The following UTRN variants were observed in gnomAD, a reference collection of about 807,000 sequenced individuals.
The protein encoded by UTRN is dystrophin-related protein 1.
In UTRN, 283 loss-of-function variants were observed where a neutral mutation model predicts 463.9. The observed-to-expected ratio is 0.61, with a 90% CI of 0.55 to 0.67. The LOEUF is 0.67. Among genes scored for constraint, UTRN ranks in the 30% least tolerant of loss-of-function variants. The pLI, the probability that UTRN is intolerant of heterozygous loss-of-function variation, is 0.00. For missense variants in UTRN, 3,922 were observed against 4,084.3 expected (o/e 0.96, Z 1.08); for synonymous variants, 1,442 against 1,431.5 (o/e 1.01, Z -0.17).
At chr6:144,529,877 GA>G (rs1796885311) in intron 41 of UTRN, among the ~76,000 whole-genome samples, 1 of 152,040 alleles carries the variant, frequency 6.6e-6, no homozygotes, top group Non-Finnish European at 1.5e-5. Context: ...AAAGATAGGA[GA>G]AAAAATTATT....
chr6:144,639,188 G>T (rs1777515236), intron 51 of UTRN, among the ~76,000 whole-genome samples: 1 of 152,106 alleles, frequency 6.6e-6, no homozygotes, highest in South Asian at 2.1e-4. Context: ...CCTCTCCCCA[G>T]ATTTTACATA....
chr6:144,699,473 G>GTT (rs71024902), intron 52 of UTRN, among the ~76,000 whole-genome samples: 1,320 of 67,652 alleles, frequency 0.02, 108 homozygotes, highest in Middle Eastern at 0.077. Context: ...TTAGTCAGTG[G>GTT]TTTTTTTTTT....
intron 50 of UTRN, among the ~76,000 whole-genome samples, chr6:144,567,518 A>G (rs566289961): frequency 6.6e-6 from 1 of 152,284 alleles, no homozygotes; most frequent in South Asian, 2.1e-4. Flanking sequence ...GGCAGGGATC[A>G]TGGGGTAGCA....
intron 50 of UTRN, among the ~76,000 whole-genome samples, chr6:144,568,500 G>A (rs35904953): frequency 0.14 from 20,905 of 152,112 alleles, 1,766 homozygotes; most frequent in Middle Eastern, 0.24. Context: ...TTGAGACGTA[G>A]CAGTCAGAAC....
intron 65 of UTRN, among the ~76,000 whole-genome samples, chr6:144,818,302 G>T (rs369094013): frequency 8.1e-4 from 123 of 152,272 alleles, no homozygotes; most frequent in African/African-American, 2.7e-3. Flanking sequence ...GTTTCTCTTT[G>T]GGGTGATGAA....
chr6:144,739,918 GAAGGGGA>G (rs764981389), intron 54 of UTRN, among the ~76,000 whole-genome samples: 1 of 152,150 alleles, frequency 6.6e-6, no homozygotes, highest in Non-Finnish European at 1.5e-5. Context: ...TCCCATAAAG[GAAGGGGA>G]AAGTGAAAAA....
intron 50 of UTRN, among the ~76,000 whole-genome samples, chr6:144,574,548 C>G (rs1311950677): frequency 6.6e-6 from 1 of 151,984 alleles, no homozygotes; most frequent in African/African-American, 2.4e-5. Flanking sequence ...CACTGGCATA[C>G]AGATTTTATG....
At chr6:144,423,431 C>G (rs1785026340) in intron 4 of UTRN, 118 bp from the exon 5 acceptor site, 1 of 978,594 alleles carries the variant, frequency 1.0e-6, no homozygotes, top group Non-Finnish European at 1.6e-6. Flanking sequence ...AGCCAGATCT[C>G]CTGCCTCTGA....
chr6:144,768,948 G>T (rs5880612), intron 58 of UTRN, among the ~76,000 whole-genome samples: 3,780 of 124,824 alleles, frequency 0.03, 207 homozygotes, highest in African/African-American at 0.096. Flanking sequence ...TTTGTTTTTT[G>T]TTTTGTTTTG....
At chr6:144,526,412 G>C (rs537046017) in intron 41 of UTRN, among the ~76,000 whole-genome samples, 1 of 152,200 alleles carries the variant, frequency 6.6e-6, no homozygotes, top group African/African-American at 2.4e-5. Context: ...TGTTGGACTA[G>C]TCTTTTTATC....
At chr6:144,619,876 A>G (rs976270282) in intron 51 of UTRN, among the ~76,000 whole-genome samples, 1 of 152,196 alleles carries the variant, frequency 6.6e-6, no homozygotes, top group African/African-American at 2.4e-5. Flanking sequence ...AGCATTTTAA[A>G]ACCAGGTGGA....
At chr6:144,675,410 G>A (rs952096378) in intron 51 of UTRN, among the ~76,000 whole-genome samples, 2 of 152,214 alleles carry the variant, frequency 1.3e-5, no homozygotes, top group African/African-American at 4.8e-5. Flanking sequence ...GTTTGGTTTA[G>A]TGCTCTGGTT....
At chr6:144,477,869 C>CTCTATCTATCTATCTA (rs34192951) in intron 25 of UTRN, among the ~76,000 whole-genome samples, 17 of 148,896 alleles carry the variant, frequency 1.1e-4, no homozygotes, top group South Asian at 2.1e-4. Context: ...AAGTTTGTAT[C>CTCTATCTATCTATCTA]TCTATCTATC....
intron 53 of UTRN, among the ~76,000 whole-genome samples, chr6:144,704,277 C>T (rs1784862508): frequency 1.3e-5 from 2 of 152,126 alleles, no homozygotes; most frequent in Admixed American, 6.5e-5. Context: ...CCACCTTTTT[C>T]ACCCTATCTT....
rs192480577 is a variant in UTRN, at chr6:144,326,211, A to G, written c.79+34304A>G. On this transcript the variant is annotated intron_variant, in intron 2 of 74. Transcript: ENST00000367545. ...TATAATGAGATAGACTGTAGAAATC[A>G]TTTTATTAAAACATTTTATTGATAG... Among the ~76,000 whole-genome samples the G allele has an allele frequency of 2.0e-5, 3 of 152,156 alleles. 1 individual carries two copies. Among genetic ancestry groups the G allele is most frequent in the African/African-American group, 4.8e-5 (2 of 41,410 alleles).
intron 51 of UTRN, among the ~76,000 whole-genome samples, chr6:144,607,040 A>G (rs1297757519): frequency 1.3e-5 from 2 of 152,216 alleles, no homozygotes; most frequent in Non-Finnish European, 2.9e-5. Flanking sequence ...TGAAAGAAGA[A>G]AAGTAATTTT....
chr6:144,765,170 A>G (rs1469200341), intron 58 of UTRN, among the ~76,000 whole-genome samples: 1 of 152,220 alleles, frequency 6.6e-6, no homozygotes, highest in Non-Finnish European at 1.5e-5. Flanking sequence ...TAGTACCCTC[A>G]AGACAATTAT....
intron 50 of UTRN, among the ~76,000 whole-genome samples, chr6:144,558,980 T>G (rs992468176): frequency 6.6e-6 from 1 of 152,190 alleles, no homozygotes; most frequent in Non-Finnish European, 1.5e-5. Flanking sequence ...TTAAATATGC[T>G]CTGTCTTTGT....
chr6:144,700,208 G>A lies in UTRN; in HGVS notation c.7774G>A (p.Val2592Ile), dbSNP rs758354900. 14 of 1,613,524 alleles carry A rather than the reference G, an allele frequency of 8.7e-6. No individual in the cohort carries two copies. The South Asian group carries it at 1.5e-4, about 18-fold the overall frequency. Residue 2592 changes from valine to isoleucine, a missense_variant, in exon 53 of 75, where the codon GTT becomes ATT. Coordinates refer to ENST00000367545, the MANE Select transcript of UTRN (RefSeq NM_007124.3). ...LKKQMPIGGD[V>I]PALQLQYDHC... ...GAAACAAATGCCTATTGGAGGAGAT[G>A]TTCCAGCCTTACAGCTCCAGTATGA...
Sources: gnomAD v4.1 joint callset for allele counts (sites outside exome capture counted in the v4.1 genomes callset) on GRCh38, gnomAD v4.1.1 for gene constraint, MANE v1.5 for transcripts, NCBI Gene and HGNC (gene_info 2026-07-23, HGNC 2026-07-21) for gene names.